WDR62: variants seen among roughly 807,000 people sequenced by gnomAD.
The protein encoded by WDR62 is WD repeat domain 62, also known as WD repeat-containing protein 62.
Under a neutral mutation model 160.6 loss-of-function variants are expected in WDR62, and 112 were observed. The observed-to-expected ratio is 0.70, with a 90% confidence interval of 0.60 to 0.82. The LOEUF is 0.82. Among genes scored for constraint, WDR62 ranks in the 40% least tolerant of loss-of-function variants. WDR62 has a pLI of 0.00. For synonymous variants in WDR62, 792 were observed against 815.1 expected (o/e 0.97, Z 0.48); for missense variants, 1,819 against 1,983.8 (o/e 0.92, Z 1.58).
Position 36,103,665 on chromosome 19 carries a change from G to A in WDR62, c.3837G>A (p.Glu1279=). The change falls in exon 30 of 32, where the codon GAG becomes GAA. Residue 1279 remains glutamate (E), a synonymous_variant. Coordinates refer to ENST00000401500, the MANE Select transcript of WDR62 (RefSeq NM_001083961.2). ...CGACAACACCCAGTTTGGACAGTGA[G>A]GGCCAAGAGCCTGCCCTGCGTTCCT... The part of the protein sequence containing the change: ...TTATTPSLDS[E]GQEPALRSWG... The A allele has an allele frequency of 6.2e-7, 1 of 1,610,292 alleles. No individual in the cohort carries two copies. The highest frequency in any genetic ancestry group is 8.5e-7 in the Non-Finnish European group (1 of 1,179,996).
In WDR62 at chr19:36,071,658, G is replaced by A. The variant is rs770138214; in HGVS notation, c.985G>A (p.Ala329Thr). 218 of 1,614,036 alleles carry A rather than the reference G, an allele frequency of 1.4e-4. No homozygotes were observed. The highest frequency in any genetic ancestry group is 1.7e-4 in the Non-Finnish European group (196 of 1,180,046). ...CCAGGCCCATAGCCTGCACTACCTC[G>A]CCAACCTGCCCAAGCCACACTACCT... ...IFQAHSLHYL[A>T]NLPKPHYLGV... Residue 329 changes from alanine to threonine, a missense_variant, in exon 8 of 32, where the codon GCC becomes ACC. By Grantham distance (58) the Ala-to-Thr change is moderately conservative (BLOSUM62 0). Transcript: ENST00000401500.
At position 36,081,347 on chromosome 19, in the gene WDR62, T is replaced by A. The variant is rs527385264; in HGVS notation, c.1234-86T>A. 2.2e-4 allele frequency: 331 copies of A among 1,534,932 alleles called. No individual in the cohort carries two copies. In the Middle Eastern group the frequency reaches 2.7e-3, roughly 13 times the overall value. On this transcript the variant is annotated intron_variant, in intron 9 of 31. Transcript: ENST00000401500. The stretch of plus-strand genomic sequence containing the variant: ...GCACGATACCTGTTTATCTTTAACT[T>A]ACTTTTTTTTTTTCCATGAAAATGC...
Position 36,054,968 on chromosome 19 carries a change from G to A in WDR62, c.-4G>A. 1.3e-6 allele frequency: 2 copies of A among 1,594,084 alleles called. No homozygotes were observed. Among genetic ancestry groups the A allele is most frequent in the Non-Finnish European group, 1.7e-6 (2 of 1,171,962 alleles). On this transcript the variant is annotated 5_prime_UTR_variant, in exon 1 of 32. Transcript: ENST00000401500. ...TGTAACGGTCGCCCGCCTCCGGCGTGACGATGGCGGCCGTAGGGTCCGGAG... is the reference window on the plus strand; with the variant it reads ...TGTAACGGTCGCCCGCCTCCGGCGTAACGATGGCGGCCGTAGGGTCCGGAG...
At chr19:36,066,738 T>G (rs1970963913) in intron 5 of WDR62, among the ~76,000 whole-genome samples, 1 of 152,224 alleles carries the variant, frequency 6.6e-6, no homozygotes, top group South Asian at 2.1e-4. Context: ...TGTGAGACTT[T>G]AATGAGTTGA....
rs753012872 is a variant in WDR62 at position 36,083,186 on chromosome 19, C to T, written c.1495C>T (p.Gln499Ter). 6.2e-7 allele frequency: 1 copy of T among 1,611,494 alleles called. No homozygotes were observed. Residue 499 changes from glutamine to a stop codon, truncating the protein, a stop_gained, in exon 11 of 32, where the codon CAG (glutamine) becomes TAG (stop). Transcript: ENST00000401500. LOFTEE classifies it high-confidence loss of function. ...MDVKAGVRVM[Q>*]VSPDGQHLAS... ...CGTGAAAGCCGGGGTGCGGGTCATG[C>T]AGGTCAGTCCTGACGGCCAGCATTT...
At chr19:36,106,809 TTTG>T (rs993944219), downstream of WDR62, among the ~76,000 whole-genome samples, 1 of 152,152 alleles carries the variant, frequency 6.6e-6, no homozygotes, top group Non-Finnish European at 1.5e-5. Context: ...TGTTTTTGGG[TTTG>T]TTTCTAAATC....
intron 5 of WDR62, 89 bp from the exon 6 acceptor site, chr19:36,067,217 C>T (rs145343202): frequency 1.7e-5 from 26 of 1,572,602 alleles, no homozygotes; most frequent in African/African-American, 4.0e-5. Flanking sequence ...GGAGTGGGGA[C>T]GAGCAGGGAG....
the WDR62 span, among the ~76,000 whole-genome samples, chr19:36,110,803 C>T: frequency 6.6e-6 from 1 of 152,150 alleles, no homozygotes; most frequent in African/African-American, 2.4e-5. Context: ...TTTGAATAAC[C>T]AGGCAGGCTG....
intron 20 of WDR62, among the ~76,000 whole-genome samples, chr19:36,095,751 G>A (rs1972918950): frequency 6.6e-6 from 1 of 152,136 alleles, no homozygotes; most frequent in Non-Finnish European, 1.5e-5. Flanking sequence ...CTGAGACTGC[G>A]CCACTGCACT....
At chr19:36,075,723 G>A (rs563716242) in intron 9 of WDR62, among the ~76,000 whole-genome samples, 52 of 152,384 alleles carry the variant, frequency 3.4e-4, no homozygotes, top group African/African-American at 1.1e-3. Flanking sequence ...TGGGATTACA[G>A]GCGTGAGCCA....
intron 1 of WDR62, 123 bp downstream of exon 1, chr19:36,055,271 T>C: frequency 4.7e-6 from 5 of 1,065,358 alleles, no homozygotes; most frequent in Non-Finnish European, 6.8e-6. Flanking sequence ...TTCCCTGCCA[T>C]GCCTCGTCCC....
chr19:36,068,896 C>T (rs545427643), intron 7 of WDR62, among the ~76,000 whole-genome samples: 2 of 152,248 alleles, frequency 1.3e-5, no homozygotes, highest in South Asian at 4.1e-4. Flanking sequence ...GGGTGGTGGC[C>T]GGGCAGAGGG....
intron 2 of WDR62, 64 bp downstream of exon 2, chr19:36,058,935 C>G: frequency 3.6e-6 from 5 of 1,377,440 alleles, no homozygotes; most frequent in Non-Finnish European, 5.1e-6. Context: ...GAACCTGAAG[C>G]CATCCGTAAA....
In WDR62 at chr19:36,101,274, CAG is replaced by C; in HGVS notation, c.2929_2930del (p.Arg977GlyfsTer13). 1.2e-6 allele frequency: 2 copies of C among 1,612,998 alleles called. No homozygotes were observed. Among genetic ancestry groups the C allele is most frequent in the Non-Finnish European group, 1.7e-6 (2 of 1,179,800 alleles). ...PGDQQGDSYL[R>X]VSSDSPKDQS... Reference sequence around the variant, plus strand: ...GAGACCAGCAGGGCGACTCCTACCTCAGGGTGTCCTCCGACAGCCCAAAGGAC... The same window carrying C: ...GAGACCAGCAGGGCGACTCCTACCTCGGTGTCCTCCGACAGCCCAAAGGAC... On this transcript the variant is annotated frameshift_variant, in exon 24 of 32. Coordinates refer to ENST00000401500, the MANE Select transcript of WDR62 (RefSeq NM_001083961.2). LOFTEE classifies it high-confidence loss of function.
chr19:36,058,969 A>T, intron 2 of WDR62, 98 bp downstream of exon 2: 2 of 1,012,858 alleles, frequency 2.0e-6, no homozygotes, highest in Non-Finnish European at 3.1e-6. Flanking sequence ...CATATTTTTC[A>T]CCTGTAGAAT....
At chr19:36,069,333 C>T (rs576706956) in intron 7 of WDR62, among the ~76,000 whole-genome samples, 3 of 151,838 alleles carry the variant, frequency 2.0e-5, no homozygotes, top group East Asian at 2.0e-4. Context: ...CAGGCAGAGA[C>T]GCTCCTCACC....
Position 36,101,708 on chromosome 19 carries a change from A to C in WDR62, c.3016A>C (p.Ile1006Leu), listed in dbSNP as rs1419823639. The change falls in exon 25 of 32, where the codon ATC (isoleucine) becomes CTC (leucine). Residue 1006 changes from isoleucine (I) to leucine (L), a missense_variant. Transcript: ENST00000401500. ...CGACCTGGAGTGCAGCTTCGCAGCC[A>C]TCCACTCCCCAGCTCCGCCTCCTGA... is the stretch of plus-strand genomic sequence containing the variant. Reference protein sequence around the residue: ...EADLECSFAAIHSPAPPPDPA... With the variant: ...EADLECSFAALHSPAPPPDPA... 1 of 1,551,262 alleles carries C rather than the reference A, an allele frequency of 6.4e-7. No homozygotes were observed. The highest frequency in any genetic ancestry group is 1.4e-5 in the African/African-American group (1 of 73,114).
intron 1 of WDR62, among the ~76,000 whole-genome samples, chr19:36,055,472 A>C (rs1970311970): frequency 6.6e-6 from 1 of 152,124 alleles, no homozygotes; most frequent in South Asian, 2.1e-4. Context: ...AGACGTCACG[A>C]TCATAGCTCA....
chr19:36,108,417 C>G (rs1293897516), downstream of WDR62, among the ~76,000 whole-genome samples: 5 of 152,072 alleles, frequency 3.3e-5, no homozygotes, highest in East Asian at 9.6e-4. Flanking sequence ...ACCATCAGGA[C>G]AGCTCCTGGG....
Sources: allele counts gnomAD v4.1 joint callset (sites outside exome capture counted in the v4.1 genomes callset), GRCh38; gene constraint gnomAD v4.1.1; transcripts MANE v1.5; gene names NCBI Gene and HGNC (gene_info 2026-07-23, HGNC 2026-07-21).